SCAMP4: variants seen among roughly 807,000 people sequenced by gnomAD.
SCAMP4 encodes secretory carrier-associated membrane protein 4.
SCAMP4 carries 19 observed loss-of-function variants against 32.1 expected under a neutral mutation model. The ratio of observed to expected loss-of-function variants is 0.59; its 90% CI spans 0.41 to 0.87. The LOEUF (loss-of-function observed/expected upper bound fraction) is 0.87. SCAMP4 is among the 40% of genes least tolerant of loss of function. SCAMP4 has a pLI of 0.00. For synonymous variants in SCAMP4, 152 were observed against 132.7 expected (o/e 1.15, Z -1.00); for missense variants, 302 against 309.0 (o/e 0.98, Z 0.17).
chr19:1,908,416 G>A lies in SCAMP4; in HGVS notation c.-42+2977G>A. 2.2e-6 allele frequency: 1 copy of A among 457,458 alleles called. No homozygotes were observed. Among genetic ancestry groups the A allele is most frequent in the Non-Finnish European group, 4.6e-6 (1 of 219,482 alleles). The allele number at this position is 457,458 out of a possible 1,614,324, so 28.3% of individuals were successfully genotyped here. On this transcript the variant is annotated intron_variant, in intron 1 of 6. Coordinates refer to ENST00000316097, the MANE Select transcript of SCAMP4 (RefSeq NM_079834.4). The surrounding 1 kb of genome is among the most constrained non-coding windows in gnomAD (Gnocchi z 4.2). ...CCCCGGCGGCTGAGGCGTGGACCAGGCAGTGCATGTCGAGGAGTAGCACCC... is the reference window on the plus strand; with the variant it reads ...CCCCGGCGGCTGAGGCGTGGACCAGACAGTGCATGTCGAGGAGTAGCACCC...
intron 1 of SCAMP4, chr19:1,912,485 C>A: frequency 6.7e-7 from 1 of 1,498,954 alleles, no homozygotes; most frequent in Non-Finnish European, 8.8e-7. Context: ...CCGTGCCCGC[C>A]CGGCCGCCTC....
intron 1 of SCAMP4, chr19:1,913,265 T>C: frequency 7.2e-7 from 1 of 1,395,712 alleles, no homozygotes. Context: ...CAGGGACACA[T>C]ACCGCCTCCA....
chr19:1,923,271 G>A (rs575101228), intron 6 of SCAMP4, 84 bp downstream of exon 6: 33 of 1,196,566 alleles, frequency 2.8e-5, no homozygotes, highest in South Asian at 2.7e-4. Context: ...GGTGAACGTC[G>A]AGGAGCCGGG....
intron 5 of SCAMP4, 87 bp from the exon 6 acceptor site, chr19:1,922,983 T>C: frequency 7.0e-7 from 1 of 1,420,326 alleles, no homozygotes; most frequent in South Asian, 1.5e-5. Flanking sequence ...TGGCCAGAGC[T>C]CTTTACATGG....
rs562962314 is a variant in SCAMP4 at position 1,924,055 on chromosome 19, C to T, written c.514-53C>T. On this transcript the variant is annotated intron_variant, in intron 6 of 6. Coordinates refer to ENST00000316097, the MANE Select transcript of SCAMP4 (RefSeq NM_079834.4). Reference sequence around the variant, plus strand: ...GATGACAGGCGTGAGTCCCCGTGCCCGGCCGCCATGCTCATTTTCTGTCTT... The same window carrying T: ...GATGACAGGCGTGAGTCCCCGTGCCTGGCCGCCATGCTCATTTTCTGTCTT... 476 of 1,529,654 alleles carry T rather than the reference C, an allele frequency of 3.1e-4. 9 individuals carry two copies. The highest frequency in any genetic ancestry group is 3.9e-4 in the Admixed American group (20 of 51,794). 94.8% of individuals were successfully genotyped at this position (1,529,654 alleles called of 1,614,324 possible).
rs1424063218 is a variant in SCAMP4, at chr19:1,912,528, C to T, written c.-41-2451C>T. 2.7e-6 allele frequency: 4 copies of T among 1,498,346 alleles called. No homozygotes were observed. The Admixed American group carries it at 6.6e-5, about 25-fold the overall frequency. The allele number at this position is 1,498,346 out of a possible 1,614,324, so 92.8% of individuals were successfully genotyped here. On this transcript the variant is annotated intron_variant, in intron 1 of 6. Coordinates refer to ENST00000316097, the MANE Select transcript of SCAMP4 (RefSeq NM_079834.4). ...GGGCCAGTTCGAGGAGGCCCGGGCC[C>T]ACTGGCCCACGTCCTTCCACGAGGA... is the stretch of plus-strand genomic sequence containing the variant.
intron 5 of SCAMP4, chr19:1,919,302 G>C: frequency 2.5e-6 from 3 of 1,205,238 alleles, no homozygotes; most frequent in Non-Finnish European, 3.1e-6. Flanking sequence ...CCCCTGACCC[G>C]GGGTCTGGGA....
At chr19:1,918,096 C>T (rs780869337) in intron 3 of SCAMP4, 31 bp from the exon 4 acceptor site, 34 of 1,589,844 alleles carry the variant, frequency 2.1e-5, no homozygotes, top group Non-Finnish European at 2.9e-5. Context: ...CCTCCCGTGC[C>T]TGCTCATCCG....
At chr19:1,918,512 A>T in intron 4 of SCAMP4, 1 of 580,504 alleles carries the variant, frequency 1.7e-6, no homozygotes, top group Non-Finnish European at 2.9e-6. Flanking sequence ...CTATAATCCC[A>T]GCACTTTGGG....
chr19:1,906,287 G>A (rs961704364), intron 1 of SCAMP4: 7 of 152,232 alleles, frequency 4.6e-5, no homozygotes, highest in African/African-American at 1.7e-4. Context: ...TTGGACTTGG[G>A]AGGTGGAGGT....
chr19:1,915,582 C>T (rs773128676), intron 2 of SCAMP4: 2 of 162,646 alleles, frequency 1.2e-5, no homozygotes, highest in Non-Finnish European at 2.7e-5. Context: ...GCCTTAACTC[C>T]GGACGTGATG....
intron 1 of SCAMP4, chr19:1,913,271 C>T (rs1165367818): frequency 6.5e-6 from 9 of 1,379,662 alleles, no homozygotes; most frequent in African/African-American, 1.5e-5. Context: ...CACATACCGC[C>T]TCCAGCGGGG....
intron 6 of SCAMP4, among the ~76,000 whole-genome samples, chr19:1,923,842 G>A (rs954111536): frequency 8.0e-5 from 9 of 112,766 alleles, no homozygotes; most frequent in Admixed American, 1.0e-4. Flanking sequence ...AGCCAGGATG[G>A]TCTCAATCTC....
At chr19:1,916,393 C>G (rs8109179) in intron 2 of SCAMP4, among the ~76,000 whole-genome samples, 1 of 151,938 alleles carries the variant, frequency 6.6e-6, no homozygotes, top group Non-Finnish European at 1.5e-5. Flanking sequence ...GCAGAGGGAG[C>G]GCGTTCCTGA....
In SCAMP4 at chr19:1,924,742, C is replaced by T. The variant is rs947638840; in HGVS notation, c.*458C>T. 20 of 203,564 alleles carry T rather than the reference C, an allele frequency of 9.8e-5. No individual in the cohort carries two copies. Among genetic ancestry groups the T allele is most frequent in the Admixed American group, 8.2e-4 (16 of 19,600 alleles). 12.6% of individuals were successfully genotyped at this position (203,564 alleles called of 1,614,324 possible). The stretch of plus-strand genomic sequence containing the variant: ...CCGTCACCATGGCAGATGCCCTTGG[C>T]CGGAACTAATAAGAGGCGTCGGGGC... On this transcript the variant is annotated 3_prime_UTR_variant, in exon 7 of 7. Transcript: ENST00000316097.
At chr19:1,907,778 G>A (rs2013212618) in intron 1 of SCAMP4, among the ~76,000 whole-genome samples, 1 of 152,182 alleles carries the variant, frequency 6.6e-6, no homozygotes, top group African/African-American at 2.4e-5. Flanking sequence ...TGCCTTCTGG[G>A]TGGGTGTGGT....
intron 1 of SCAMP4, chr19:1,905,985 C>G (rs761472630): frequency 5.9e-5 from 9 of 152,252 alleles, no homozygotes; most frequent in Non-Finnish European, 1.2e-4. Flanking sequence ...CTCCCACACA[C>G]TACCCCGAGG....
rs757060265 is a variant in SCAMP4, at chr19:1,918,227, C to T, written c.237C>T (p.Leu79=). Residue 79 remains leucine, a synonymous_variant, in exon 4 of 7, where the codon CTC becomes CTT. Coordinates refer to ENST00000316097, the MANE Select transcript of SCAMP4 (RefSeq NM_079834.4). ...TNFGLAFVWL[L]LFTPCGYVCW... is the part of the protein sequence containing the mutation. ...TCGGCCTGGCCTTCGTGTGGCTGCT[C>T]CTGTTCACGCCTTGCGGCTACGTGT... The T allele has an allele frequency of 6.8e-6, 11 of 1,610,954 alleles. No individual in the cohort carries two copies. Among genetic ancestry groups the T allele is most frequent in the Middle Eastern group, 3.3e-4 (2 of 6,062 alleles).
At chr19:1,922,376 A>G in intron 5 of SCAMP4, 6 of 716,052 alleles carry the variant, frequency 8.4e-6, no homozygotes, top group Non-Finnish European at 1.0e-5. Flanking sequence ...CTGGGATTAC[A>G]GGCATGCGCC....
Sources: gnomAD v4.1 joint callset for allele counts (sites outside exome capture counted in the v4.1 genomes callset) on GRCh38, gnomAD v4.1.1 for gene constraint, Gnocchi (gnomAD v3.1) non-coding constraint, MANE v1.5 for transcripts, NCBI Gene and HGNC (gene_info 2026-07-23, HGNC 2026-07-21) for gene names.